PCDHGB3: variants seen among roughly 807,000 people sequenced by gnomAD.
PCDHGB3 encodes protocadherin gamma subfamily B, 3.
In PCDHGB3, 40 loss-of-function variants were observed where a neutral mutation model predicts 59.2. The ratio of observed to expected loss-of-function variants is 0.68; its 90% CI spans 0.52 to 0.88. The LOEUF is 0.88. PCDHGB3 is among the 40% of genes least tolerant of loss of function. The pLI, the probability that PCDHGB3 is intolerant of heterozygous loss-of-function variation, is 0.00. For missense variants in PCDHGB3, 1,309 were observed against 1,187.9 expected (o/e 1.10, Z -1.50); for synonymous variants, 581 against 503.6 (o/e 1.15, Z -2.06).
chr5:141,409,571 T>TACGTGGTCC (rs2095286242), intron 1 of PCDHGB3: 2 of 1,613,932 alleles, frequency 1.2e-6, no homozygotes, highest in East Asian at 4.5e-5. Context: ...CCAGACGTCC[T>TACGTGGTCC]ACGTGGTCCA....
At chr5:141,422,458 C>T (rs375149811) in intron 1 of PCDHGB3, 264 of 1,613,148 alleles carry the variant, frequency 1.6e-4, no homozygotes, top group Non-Finnish European at 2.1e-4. Context: ...AAGCAGAGTG[C>T]TGGACAGGGA....
At chr5:141,500,455 C>T (rs1254764658) in intron 2 of PCDHGB3, among the ~76,000 whole-genome samples, 4 of 151,986 alleles carry the variant, frequency 2.6e-5, no homozygotes, top group Non-Finnish European at 5.9e-5. Context: ...GTGATCCGCC[C>T]GCCTCGGCCT....
intron 1 of PCDHGB3, chr5:141,374,629 G>T (rs1404855518): frequency 6.2e-7 from 1 of 1,613,096 alleles, no homozygotes; most frequent in Non-Finnish European, 8.5e-7. Flanking sequence ...CAGTGGACGT[G>T]CAAAGCGAAG....
chr5:141,491,937 AC>A lies in PCDHGB3; in HGVS notation c.2416-2865del. ...CTGTGGGCGAGGGGAGGTGGGACCG[AC>A]CCCCACCCCTACACTCAAAAAAGGC... On this transcript the variant is annotated intron_variant, in intron 1 of 3. Transcript: ENST00000576222. This position sits in a 1 kb window ranked among gnomAD's most constrained non-coding sequence, Gnocchi z 6.9. The A allele has an allele frequency of 3.4e-6, 4 of 1,164,304 alleles. No homozygotes were observed. Among genetic ancestry groups the A allele is most frequent in the Non-Finnish European group, 4.7e-6 (4 of 858,404 alleles). The allele number at this position is 1,164,304 out of a possible 1,614,324, so 72.1% of individuals were successfully genotyped here.
chr5:141,372,003 C>T lies in PCDHGB3; in HGVS notation c.1609C>T (p.Gln537Ter), dbSNP rs552358423. ...CGAGCTCACTCTGCAGGCCCGCGAC[C>T]AGGGCTCGCCTACGCTCAGCGCCAA... The part of the protein sequence containing the change: ...AFELTLQARD[Q>*]GSPTLSANVS... Residue 537 changes from glutamine to a stop codon, truncating the protein, a stop_gained, in exon 1 of 4, where the codon CAG (glutamine) becomes TAG (stop). Transcript: ENST00000576222. LOFTEE classifies it high-confidence loss of function. 6.2e-7 allele frequency: 1 copy of T among 1,613,296 alleles called. No individual in the cohort carries two copies. The highest frequency in any genetic ancestry group is 1.3e-5 in the African/African-American group (1 of 75,072).
At chr5:141,383,164 A>G (rs1778887278) in intron 1 of PCDHGB3, 1 of 1,614,016 alleles carries the variant, frequency 6.2e-7, no homozygotes, top group Non-Finnish European at 8.5e-7. Context: ...CACTGCGGGC[A>G]GGATAGACCG....
chr5:141,414,348 G>A (rs1390188717), intron 1 of PCDHGB3: 1 of 1,613,818 alleles, frequency 6.2e-7, no homozygotes, highest in South Asian at 1.1e-5. Flanking sequence ...GTTCCATTTT[G>A]GCGTATCTAC....
chr5:141,381,988 C>A (rs1777837622), intron 1 of PCDHGB3, among the ~76,000 whole-genome samples: 1 of 151,770 alleles, frequency 6.6e-6, no homozygotes, highest in South Asian at 2.1e-4. Flanking sequence ...CGCCACCACG[C>A]CCGGATAATT....
intron 2 of PCDHGB3, among the ~76,000 whole-genome samples, chr5:141,499,879 G>C (rs1470090790): frequency 9.2e-5 from 14 of 151,952 alleles, no homozygotes. Flanking sequence ...GTACAAACAG[G>C]GTTTCGCCAT....
intron 1 of PCDHGB3, among the ~76,000 whole-genome samples, chr5:141,482,799 C>T (rs933003208): frequency 6.6e-6 from 1 of 152,086 alleles, no homozygotes; most frequent in Non-Finnish European, 1.5e-5. Flanking sequence ...TGGCCGGGTA[C>T]GGTGGCTCAT....
chr5:141,485,226 T>C lies in PCDHGB3; in HGVS notation c.2416-9581T>C. ...GAAATCTGGCGGTGGGCTACCCTTT[T>C]GTTCCTCTTTTACCACCTGGGTTAC... On this transcript the variant is annotated intron_variant, in intron 1 of 3. Transcript: ENST00000576222. The surrounding 1 kb of genome is among the most constrained non-coding windows in gnomAD (Gnocchi z 5.7). 1.9e-6 allele frequency: 3 copies of C among 1,614,170 alleles called. No homozygotes were observed. Among genetic ancestry groups the C allele is most frequent in the Non-Finnish European group, 2.5e-6 (3 of 1,180,026 alleles).
Position 141,371,291 on chromosome 5 carries a change from G to C in PCDHGB3, c.897G>C (p.Gly299=). ...RQLFKLDSKT[G]ELTTIGELDF... is the part of the protein sequence containing the mutation. ...TGTTCAAGCTGGACAGTAAAACGGG[G>C]GAACTCACCACTATTGGAGAACTGG... The change falls in exon 1 of 4, where the codon GGG becomes GGC. Residue 299 remains glycine, a synonymous_variant. Transcript: ENST00000576222. 1 of 1,613,976 alleles carries C rather than the reference G, an allele frequency of 6.2e-7. No homozygotes were observed. The highest frequency in any genetic ancestry group is 8.5e-7 in the Non-Finnish European group (1 of 1,179,888).
chr5:141,374,318 C>G (rs773144400), intron 1 of PCDHGB3: 2 of 1,613,996 alleles, frequency 1.2e-6, no homozygotes, highest in South Asian at 2.2e-5. Flanking sequence ...CTCTCTGAAT[C>G]CGCGAAACGG....
chr5:141,382,530 G>T (rs1043069134), intron 1 of PCDHGB3, among the ~76,000 whole-genome samples: 2 of 152,150 alleles, frequency 1.3e-5, no homozygotes, highest in Non-Finnish European at 2.9e-5. Context: ...GTCTTAAAAT[G>T]GATTTTTAAT....
Position 141,372,316 on chromosome 5 carries a change from G to T in PCDHGB3, c.1922G>T (p.Arg641Leu). 1 of 1,613,524 alleles carries T rather than the reference G, an allele frequency of 6.2e-7. No individual in the cohort carries two copies. The highest frequency in any genetic ancestry group is 2.2e-5 in the East Asian group (1 of 44,880). Residue 641 changes from arginine to leucine, a missense_variant, in exon 1 of 4, where the codon CGC becomes CTC. Transcript: ENST00000576222. ...GGCGACAGGGAGGCCGCCCGCCAGC[G>T]CCTGCTGGTCACTGTGCGTGATGGA... is the stretch of plus-strand genomic sequence containing the variant. ...TLGDREAARQ[R>L]LLVTVRDGGQ...
intron 1 of PCDHGB3, among the ~76,000 whole-genome samples, chr5:141,458,081 G>GTTT (rs1259527184): frequency 6.6e-6 from 1 of 152,186 alleles, no homozygotes; most frequent in Non-Finnish European, 1.5e-5. Flanking sequence ...CTATATTGCC[G>GTTT]TAAGTTAAGA....
In PCDHGB3 at chr5:141,431,187, G is replaced by C. The variant is rs748150837; in HGVS notation, c.2415+58378G>C. On this transcript the variant is annotated intron_variant, in intron 1 of 3. Transcript: ENST00000576222. This position sits in a 1 kb window ranked among gnomAD's most constrained non-coding sequence, Gnocchi z 4.8. ...GAAAGTGAATTAGAAATAAAAATTAGTGAAAATGCAGCCACTGAGATGCGG... is the reference window on the plus strand; with the variant it reads ...GAAAGTGAATTAGAAATAAAAATTACTGAAAATGCAGCCACTGAGATGCGG... 4.3e-6 allele frequency: 7 copies of C among 1,614,102 alleles called. No homozygotes were observed. The Admixed American group carries it at 1.2e-4, about 27-fold the overall frequency.
chr5:141,376,553 G>A (rs746063311), intron 1 of PCDHGB3: 3 of 1,610,808 alleles, frequency 1.9e-6, no homozygotes, highest in Admixed American at 1.7e-5. Context: ...TGATCTTCCC[G>A]CAACCCAACT....
Position 141,414,566 on chromosome 5 carries a change from A to G in PCDHGB3, c.2415+41757A>G, listed in dbSNP as rs375828619. The stretch of plus-strand genomic sequence containing the variant: ...TTCTCTCAAGTCTCCTACTTTACCT[A>G]TATCCCAGAGAACAACGCCAGGGGT... On this transcript the variant is annotated intron_variant, in intron 1 of 3. Coordinates refer to ENST00000576222, the MANE Select transcript of PCDHGB3 (RefSeq NM_018924.5). The G allele has an allele frequency of 6.6e-5, 106 of 1,613,800 alleles. No homozygotes were observed. Among genetic ancestry groups the G allele is most frequent in the Non-Finnish European group, 8.4e-5 (99 of 1,179,878 alleles).
Sources: allele counts gnomAD v4.1 joint callset (sites outside exome capture counted in the v4.1 genomes callset), GRCh38; gene constraint gnomAD v4.1.1; non-coding constraint Gnocchi (gnomAD v3.1); transcripts MANE v1.5; gene names NCBI Gene and HGNC (gene_info 2026-07-23, HGNC 2026-07-21).